ERC1: variants seen among roughly 807,000 people sequenced by gnomAD.
ERC1 encodes the protein RAB6 interacting protein 2.
In ERC1, 56 loss-of-function variants were observed where a neutral mutation model predicts 132.0. The observed-to-expected ratio is 0.42, with a 90% CI of 0.34 to 0.53. ERC1 has a LOEUF of 0.53. ERC1 is among the 20% of genes least tolerant of loss of function. ERC1 has a pLI of 0.03. For synonymous variants in ERC1, 478 were observed against 476.1 expected, an observed-to-expected ratio of 1.00 and a Z score of -0.05; for missense variants, 1,202 against 1,349.9, an observed-to-expected ratio of 0.89 and a Z score of 1.72.
intron 15 of ERC1, among the ~76,000 whole-genome samples, chr12:1,339,056 G>C (rs762942214): frequency 2.0e-5 from 3 of 152,240 alleles, no homozygotes; most frequent in Non-Finnish European, 2.9e-5. Context: ...GCGCAGCAGA[G>C]TGCACGCTGG....
chr12:1,164,373 C>A (rs375125237), intron 8 of ERC1, among the ~76,000 whole-genome samples: 1 of 151,544 alleles, frequency 6.6e-6, no homozygotes, highest in Non-Finnish European at 1.5e-5. Context: ...GACGGAGTCT[C>A]GCTCTGTTGC....
chr12:1,183,904 G>A (rs958303751), intron 11 of ERC1, among the ~76,000 whole-genome samples: 1 of 151,634 alleles, frequency 6.6e-6, no homozygotes, highest in Non-Finnish European at 1.5e-5. Context: ...GGGAGGCCGA[G>A]GCGGGCAGAT....
At chr12:1,189,771 A>T (rs1236011059) in intron 11 of ERC1, 88 bp from the exon 12 acceptor site, 1 of 1,033,356 alleles carries the variant, frequency 9.7e-7, no homozygotes, top group Non-Finnish European at 1.4e-6. Context: ...TTCTGTACTT[A>T]AATTGGAATA....
intron 12 of ERC1, among the ~76,000 whole-genome samples, chr12:1,230,661 G>A (rs2154299714): frequency 6.6e-6 from 1 of 152,170 alleles, no homozygotes; most frequent in East Asian, 1.9e-4. Flanking sequence ...TTAAAAGTGG[G>A]GTAGTAAAGT....
intron 17 of ERC1, among the ~76,000 whole-genome samples, chr12:1,417,037 C>T (rs2092153267): frequency 6.6e-6 from 1 of 152,122 alleles, no homozygotes; most frequent in South Asian, 2.1e-4. Context: ...ACTCTGGATT[C>T]AAACTATTCT....
chr12:1,418,642 TCTCTC>T (rs2092275253), intron 17 of ERC1, among the ~76,000 whole-genome samples: 1 of 105,570 alleles, frequency 9.5e-6, no homozygotes, highest in African/African-American at 5.2e-5. Context: ...TTTCTTTCTT[TCTCTC>T]TCTCTCTCTC....
At position 1,100,138 on chromosome 12, in the gene ERC1, G is replaced by A. The variant is rs569335017; in HGVS notation, c.1087-4612G>A. Among the ~76,000 whole-genome samples, 34 of 152,110 alleles carry A rather than the reference G, an allele frequency of 2.2e-4. 1 individual carries two copies. The South Asian group carries it at 6.7e-3, about 30-fold the overall frequency. The stretch of plus-strand genomic sequence containing the variant: ...GCTGGGATTACAGGCATGAACCACC[G>A]CTCCCAGCCGAGACTTTGACTTTTG... On this transcript the variant is annotated intron_variant, in intron 3 of 18. Coordinates refer to ENST00000360905, the MANE Select transcript of ERC1 (RefSeq NM_178040.4).
At chr12:1,128,998 C>CT (rs1013512767) in intron 7 of ERC1, among the ~76,000 whole-genome samples, 1 of 152,130 alleles carries the variant, frequency 6.6e-6, no homozygotes, top group African/African-American at 2.4e-5. Flanking sequence ...TTGAGCCCAA[C>CT]TTATATGTAG....
chr12:1,433,958 G>A (rs563737146), intron 17 of ERC1, among the ~76,000 whole-genome samples: 16 of 136,080 alleles, frequency 1.2e-4, no homozygotes, highest in Admixed American at 4.9e-4. Flanking sequence ...CAGCCTAGGC[G>A]ACAGAGTGAG....
intron 17 of ERC1, among the ~76,000 whole-genome samples, chr12:1,418,314 G>T (rs1001657518): frequency 6.6e-6 from 1 of 152,156 alleles, no homozygotes; most frequent in African/African-American, 2.4e-5. Context: ...CCTGAAGCAA[G>T]CTATAAAGAA....
At chr12:1,057,949 A>G (rs1565879636) in intron 2 of ERC1, among the ~76,000 whole-genome samples, 2 of 151,876 alleles carry the variant, frequency 1.3e-5, no homozygotes, top group Admixed American at 6.6e-5. Context: ...GATTATTTAG[A>G]TCCTTAGATC....
intron 15 of ERC1, among the ~76,000 whole-genome samples, chr12:1,355,456 T>C (rs2085432740): frequency 3.3e-5 from 5 of 152,236 alleles, no homozygotes; most frequent in Admixed American, 3.3e-4. Flanking sequence ...ATATGCAACC[T>C]ACACCATAAA....
intron 12 of ERC1, among the ~76,000 whole-genome samples, chr12:1,209,786 G>C (rs1957693727): frequency 6.6e-6 from 1 of 152,172 alleles, no homozygotes; most frequent in Non-Finnish European, 1.5e-5. Flanking sequence ...CAAGATTTTA[G>C]TGAGTTAACG....
intron 8 of ERC1, among the ~76,000 whole-genome samples, chr12:1,150,857 G>C (rs796993470): frequency 6.6e-6 from 1 of 152,160 alleles, no homozygotes; most frequent in East Asian, 1.9e-4. Flanking sequence ...CCATCCAAAC[G>C]TAATGACATA....
intron 8 of ERC1, among the ~76,000 whole-genome samples, chr12:1,179,452 A>T (rs902438555): frequency 5.8e-5 from 8 of 137,742 alleles, no homozygotes; most frequent in African/African-American, 8.1e-5. Context: ...ATAATGATGC[A>T]TTTTCTTACC....
chr12:996,669 T>C (rs144353231), intron 1 of ERC1, among the ~76,000 whole-genome samples: 4 of 152,258 alleles, frequency 2.6e-5, no homozygotes, highest in African/African-American at 4.8e-5. Flanking sequence ...TGACTTCTTA[T>C]TGTTGTTGTT....
At chr12:1,135,027 C>T (rs2968899) in intron 7 of ERC1, among the ~76,000 whole-genome samples, 80,980 of 152,068 alleles carry the variant, frequency 0.53, 24,710 homozygotes, top group East Asian at 0.79. Context: ...TGTGCCCTGC[C>T]GGTCCTCAGT....
At chr12:1,075,152 AGTTTCTTCTTTTAAAAT>A (rs1376429325) in intron 2 of ERC1, among the ~76,000 whole-genome samples, 3 of 152,066 alleles carry the variant, frequency 2.0e-5, no homozygotes, top group Non-Finnish European at 4.4e-5. Context: ...TCATTAAATT[AGTTTCTTCTTTTAAAAT>A]GTTTCTTCTT....
At chr12:1,018,236 C>G (rs1455777593) in intron 1 of ERC1, among the ~76,000 whole-genome samples, 2 of 152,116 alleles carry the variant, frequency 1.3e-5, no homozygotes, top group Admixed American at 6.6e-5. Context: ...GAGTCTCACT[C>G]TGTTGCCCAG....
Sources: allele counts gnomAD v4.1 joint callset (sites outside exome capture counted in the v4.1 genomes callset), GRCh38; gene constraint gnomAD v4.1.1; transcripts MANE v1.5; gene names NCBI Gene and HGNC (gene_info 2026-07-23, HGNC 2026-07-21).